The following MALRD1 variants were observed in gnomAD, a reference collection of about 807,000 sequenced individuals.
MALRD1 encodes MAM and LDL-receptor class A domain-containing protein 1.
MALRD1 carries 247 observed loss-of-function variants against 242.1 expected under a neutral mutation model. That is an observed-to-expected ratio of 1.02 (90% confidence interval 0.92 to 1.13). The LOEUF is 1.13. MALRD1 is among the 50% of genes most tolerant of loss of function. The pLI is 0.00. For synonymous variants in MALRD1, 995 were observed against 866.6 expected (o/e 1.15, Z -2.60); for missense variants, 2,989 against 2,533.1 (o/e 1.18, Z -3.86).
chr10:19,394,138 A>G (rs539044104), intron 28 of MALRD1, among the ~76,000 whole-genome samples: 2 of 152,338 alleles, frequency 1.3e-5, no homozygotes, highest in South Asian at 4.1e-4. Context: ...AATGTGTTTC[A>G]GGAGAGCCCT....
At position 19,182,406 on chromosome 10, in the gene MALRD1, G is replaced by T. The variant is rs576197216; in HGVS notation, c.1951+7078G>T. ...GTGGTGCGATATGGGCTTACTGCCAGCTCTGCCTCCCGGGTTCACGCCATT... is the reference window on the plus strand; with the variant it reads ...GTGGTGCGATATGGGCTTACTGCCATCTCTGCCTCCCGGGTTCACGCCATT... On this transcript the variant is annotated intron_variant, in intron 14 of 39. Transcript: ENST00000454679. Among the ~76,000 whole-genome samples the T allele has an allele frequency of 4.3e-3, 576 of 135,524 alleles. 4 individuals carry two copies. The highest frequency in any genetic ancestry group is 6.2e-3 in the Non-Finnish European group (406 of 65,734). 88.9% of individuals were successfully genotyped at this position (135,524 alleles called of 152,430 possible). A position where few individuals can be genotyped will look rare whatever the true frequency, so the allele number is the denominator to read the frequency against.
At chr10:19,469,368 A>G (rs1461446267) in intron 29 of MALRD1, among the ~76,000 whole-genome samples, 3 of 151,976 alleles carry the variant, frequency 2.0e-5, no homozygotes, top group Non-Finnish European at 2.9e-5. Context: ...TGACTTTTTT[A>G]GTTTTAGCAC....
intron 39 of MALRD1, among the ~76,000 whole-genome samples, chr10:19,731,429 A>G (rs1835291656): frequency 6.6e-6 from 1 of 152,108 alleles, no homozygotes; most frequent in African/African-American, 2.4e-5. Context: ...CTATAGGTAT[A>G]CATTGTGAAG....
chr10:19,692,961 C>A lies in MALRD1; in HGVS notation c.6314+407C>A, dbSNP rs184560644. On this transcript the variant is annotated intron_variant, in intron 38 of 39. Coordinates refer to ENST00000454679, the MANE Select transcript of MALRD1 (RefSeq NM_001142308.3). ...ATGTAATCCAGCATATAAACAGAACCAAAGACAAAAACCACATGATTATCT... is the reference window on the plus strand; with the variant it reads ...ATGTAATCCAGCATATAAACAGAACAAAAGACAAAAACCACATGATTATCT... Among the ~76,000 whole-genome samples, 159 of 149,488 alleles carry A rather than the reference C, an allele frequency of 1.1e-3. 4 individuals are homozygous for A. In the East Asian group the frequency reaches 0.029, roughly 27 times the overall value.
At chr10:19,481,598 C>T (rs1006726603) in intron 29 of MALRD1, among the ~76,000 whole-genome samples, 1 of 152,038 alleles carries the variant, frequency 6.6e-6, no homozygotes, top group Non-Finnish European at 1.5e-5. Flanking sequence ...TTTATTTTCT[C>T]AGATGTTGTT....
intron 33 of MALRD1, among the ~76,000 whole-genome samples, chr10:19,576,704 T>C (rs1294216900): frequency 6.6e-6 from 1 of 152,198 alleles, no homozygotes; most frequent in African/African-American, 2.4e-5. Flanking sequence ...TCCATGATTT[T>C]AGTCCTACCA....
chr10:19,196,401 C>A (rs960424704), intron 14 of MALRD1, among the ~76,000 whole-genome samples: 13 of 152,146 alleles, frequency 8.5e-5, no homozygotes, highest in Non-Finnish European at 1.5e-4. Context: ...TCAACAGAAA[C>A]TGTTCTTATC....
At chr10:19,296,634 A>G (rs1156928690) in intron 21 of MALRD1, among the ~76,000 whole-genome samples, 1 of 152,154 alleles carries the variant, frequency 6.6e-6, no homozygotes, top group Non-Finnish European at 1.5e-5. Context: ...TCATTTCAAG[A>G]TAAGTTGGGA....
At chr10:19,719,252 ATATATATG>A (rs1834626377) in intron 38 of MALRD1, among the ~76,000 whole-genome samples, 3 of 134,176 alleles carry the variant, frequency 2.2e-5, no homozygotes, top group African/African-American at 8.5e-5. Context: ...ATATATATAT[ATATATATG>A]CTATCAAATA....
At chr10:19,330,273 T>C (rs1032155944) in intron 23 of MALRD1, among the ~76,000 whole-genome samples, 1 of 152,006 alleles carries the variant, frequency 6.6e-6, no homozygotes, top group African/African-American at 2.4e-5. Context: ...ATGATTTCAA[T>C]TATTCCAACC....
At chr10:19,461,502 C>T (rs3852454) in intron 29 of MALRD1, among the ~76,000 whole-genome samples, 123,909 of 152,076 alleles carry the variant, frequency 0.81, 50,665 homozygotes, top group East Asian at 1. Context: ...CAAGGAATCA[C>T]ATCAATCAAG....
chr10:19,335,999 A>G (rs141994215), intron 24 of MALRD1, among the ~76,000 whole-genome samples: 161 of 152,098 alleles, frequency 1.1e-3, no homozygotes, highest in African/African-American at 3.7e-3. Flanking sequence ...GAGCCAAATC[A>G]TGAGTGAACT....
intron 28 of MALRD1, among the ~76,000 whole-genome samples, chr10:19,434,613 C>T (rs1589067147): frequency 1.3e-5 from 2 of 151,832 alleles, no homozygotes; most frequent in African/African-American, 4.8e-5. Flanking sequence ...TATTATTCTA[C>T]ATTCAAGCCA....
At chr10:19,139,332 A>G (rs1029200437) in intron 10 of MALRD1, among the ~76,000 whole-genome samples, 1 of 152,354 alleles carries the variant, frequency 6.6e-6, no homozygotes, top group East Asian at 1.9e-4. Flanking sequence ...CATTTTACAC[A>G]TATGAAAACA....
intron 31 of MALRD1, among the ~76,000 whole-genome samples, chr10:19,515,467 T>C (rs1241027973): frequency 6.6e-6 from 1 of 152,188 alleles, no homozygotes; most frequent in African/African-American, 2.4e-5. Context: ...AAATTTTATC[T>C]CTGTCCTTTC....
In MALRD1 at chr10:19,491,532, A is replaced by G; in HGVS notation, c.5045A>G (p.Glu1682Gly). Residue 1682 changes from glutamate (E) to glycine (G), a missense_variant, in exon 30 of 40, where the codon GAG becomes GGG. By Grantham distance (98) the Glu-to-Gly change is moderately conservative (BLOSUM62 -2). Coordinates refer to ENST00000454679, the MANE Select transcript of MALRD1 (RefSeq NM_001142308.3). ...KNCTTVGEIS[E>G]LCPEITDFLC... ...TTTTCCCTAGTGGGAGAGATCTCTG[A>G]GCTTTGTCCGGAAATCACTGATTTT... The G allele has an allele frequency of 1.9e-6, 3 of 1,549,998 alleles. No homozygotes were observed. The highest frequency in any genetic ancestry group is 2.6e-6 in the Non-Finnish European group (3 of 1,146,772).
intron 28 of MALRD1, among the ~76,000 whole-genome samples, chr10:19,395,117 T>C (rs558161888): frequency 1.3e-5 from 2 of 152,292 alleles, no homozygotes; most frequent in East Asian, 1.9e-4. Context: ...AGTTTTGTTA[T>C]ATTGTACTAG....
At chr10:19,266,981 C>T (rs1839999201) in intron 19 of MALRD1, among the ~76,000 whole-genome samples, 2 of 152,082 alleles carry the variant, frequency 1.3e-5, no homozygotes, top group Admixed American at 6.5e-5. Context: ...GAAGTATTTG[C>T]TTTTCATTAT....
rs571133002 is a variant in MALRD1 at position 19,430,530 on chromosome 10, G to A, written c.4846-19777G>A. On this transcript the variant is annotated intron_variant, in intron 28 of 39. Transcript: ENST00000454679. Reference sequence around the variant, plus strand: ...TTTCATACAGGTCCTTCATTTCACTGATAGCCCACTAAAGTACTCTCCCTT... The same window carrying A: ...TTTCATACAGGTCCTTCATTTCACTAATAGCCCACTAAAGTACTCTCCCTT... 2.4e-4 allele frequency among the ~76,000 whole-genome samples: 36 copies of A among 152,116 alleles called. No homozygotes were observed. In the East Asian group the frequency reaches 6.6e-3, roughly 28 times the overall value.
Sources: allele counts gnomAD v4.1 joint callset (sites outside exome capture counted in the v4.1 genomes callset), GRCh38; gene constraint gnomAD v4.1.1; transcripts MANE v1.5; gene names NCBI Gene and HGNC (gene_info 2026-07-23, HGNC 2026-07-21).